Variants in FER1L5 observed in about 807,000 individuals in gnomAD.
The protein encoded by FER1L5 is fer-1 like family member 5.
Under a neutral mutation model 279.9 loss-of-function variants are expected in FER1L5, and 187 were observed. The ratio of observed to expected loss-of-function variants is 0.67; its 90% CI spans 0.59 to 0.75. The LOEUF is 0.75. Ranked by LOEUF, FER1L5 falls within the 30% of genes least tolerant of loss-of-function variation. The pLI is 0.00. For missense variants in FER1L5, 2,091 were observed against 2,594.4 expected, an observed-to-expected ratio of 0.81 and a Z score of 4.21; for synonymous variants, 921 against 989.7, an observed-to-expected ratio of 0.93 and a Z score of 1.30.
intron 19 of FER1L5, among the ~76,000 whole-genome samples, chr2:96,677,275 C>T (rs7572249): frequency 0.47 from 71,026 of 152,114 alleles, 19,439 homozygotes; most frequent in South Asian, 0.74. Flanking sequence ...AATTCTCTTG[C>T]TTTGTAGTGA....
intron 23 of FER1L5, 130 bp downstream of exon 23, chr2:96,686,480 A>G (rs1460344070): frequency 7.5e-6 from 8 of 1,073,242 alleles, no homozygotes; most frequent in Non-Finnish European, 1.0e-5. Context: ...TGGGGTTGAA[A>G]CAGTCCCCAG....
rs1222628664 is a variant in FER1L5, at chr2:96,686,012, C to A, written c.1968C>A (p.Ser656Arg). The change falls in exon 22 of 53, where the codon AGC (serine) becomes AGA (arginine). Residue 656 changes from serine to arginine, a missense_variant. Physicochemically the swap from Ser to Arg is moderately radical, Grantham distance 110. Transcript: ENST00000624922. ...ACAGGAAGAGGTGGCAGCTCCGCAGCCTCCTCCTGCAGGAACTGGCCCAAA... is the reference window on the plus strand; with the variant it reads ...ACAGGAAGAGGTGGCAGCTCCGCAGACTCCTCCTGCAGGAACTGGCCCAAA... ...SLDRKRWQLRSLLLQELAQKA... is the reference protein window; with the variant it reads ...SLDRKRWQLRRLLLQELAQKA... The A allele has an allele frequency of 1.3e-6, 2 of 1,551,528 alleles. No homozygotes were observed. The highest frequency in any genetic ancestry group is 3.9e-5 in the Admixed American group (2 of 51,002).
At chr2:96,699,819 G>T (rs2077525882) in intron 43 of FER1L5, 99 bp downstream of exon 43, 3 of 1,574,698 alleles carry the variant, frequency 1.9e-6, no homozygotes, top group South Asian at 1.2e-5. Context: ...GGGAACCAGG[G>T]CCCAGACCTG....
At chr2:96,659,123 C>T (rs970700769) in intron 9 of FER1L5, among the ~76,000 whole-genome samples, 16 of 151,576 alleles carry the variant, frequency 1.1e-4, no homozygotes, top group African/African-American at 3.2e-4. Flanking sequence ...TCAGTAGAGA[C>T]GGGATTTCAC....
At chr2:96,676,144 G>T (rs1305666815) in intron 19 of FER1L5, among the ~76,000 whole-genome samples, 1 of 152,166 alleles carries the variant, frequency 6.6e-6, no homozygotes, top group African/African-American at 2.4e-5. Flanking sequence ...AGCACCATTT[G>T]CCTGAAAGTA....
At chr2:96,690,229 TG>T (rs1275645924) in intron 26 of FER1L5, among the ~76,000 whole-genome samples, 5 of 152,132 alleles carry the variant, frequency 3.3e-5, no homozygotes, top group Non-Finnish European at 7.4e-5. Context: ...TATTGGGTAG[TG>T]TGGGTTTAAC....
At chr2:96,662,372 TCACCC>T in intron 13 of FER1L5, 105 bp downstream of exon 13, 4 of 1,049,242 alleles carry the variant, frequency 3.8e-6, no homozygotes, top group Non-Finnish European at 5.7e-6. Flanking sequence ...CATCTCCCAG[TCACCC>T]ACTGAGAGAA....
At chr2:96,667,347 C>CTTT (rs551114241) in intron 14 of FER1L5, among the ~76,000 whole-genome samples, 80 of 139,132 alleles carry the variant, frequency 5.7e-4, no homozygotes, top group Non-Finnish European at 4.6e-4. Flanking sequence ...ATTATTTATT[C>CTTT]TTTTTTTTTT....
In FER1L5 at chr2:96,697,843, A is replaced by G; in HGVS notation, c.4236+82A>G. ...AGAGCTAGCCTTGATTCCTCTGGGA[A>G]GCCTCAAGTGGGAAGGTTCCCGCAC... On this transcript the variant is annotated intron_variant, in intron 39 of 52. Coordinates refer to ENST00000624922, the MANE Select transcript of FER1L5 (RefSeq NM_001293083.2). 3.3e-6 allele frequency: 5 copies of G among 1,533,346 alleles called. No homozygotes were observed. In the African/African-American group the frequency reaches 5.5e-5, roughly 17 times the overall value. The allele number at this position is 1,533,346 out of a possible 1,614,324, so 95.0% of individuals were successfully genotyped here. A position where few individuals can be genotyped will look rare whatever the true frequency, so the allele number is the denominator to read the frequency against.
rs766720479 is a variant in FER1L5, at chr2:96,698,761, C to T, written c.4447C>T (p.Pro1483Ser). The T allele has an allele frequency of 1.9e-6, 3 of 1,570,276 alleles. No homozygotes were observed. Among genetic ancestry groups the T allele is most frequent in the South Asian group, 1.2e-5 (1 of 85,008 alleles). ...FLVWPEREDFPQPCLVRVYMV... is the reference protein window; with the variant it reads ...FLVWPEREDFSQPCLVRVYMV... ...GGTTTGGCCAGAGAGAGAGGACTTC[C>T]CCCAGCCGTGCTTGGTGCGGGTGTA... The change falls in exon 41 of 53, where the codon CCC becomes TCC. Residue 1483 changes from proline (P) to serine (S), a missense_variant. Pro to Ser is a moderately conservative substitution (Grantham distance 74). Coordinates refer to ENST00000624922, the MANE Select transcript of FER1L5 (RefSeq NM_001293083.2). This position sits in a 1 kb window ranked among gnomAD's most constrained non-coding sequence, Gnocchi z 5.5.
At chr2:96,680,319 G>C (rs902099992) in intron 19 of FER1L5, among the ~76,000 whole-genome samples, 6 of 151,884 alleles carry the variant, frequency 4.0e-5, no homozygotes, top group African/African-American at 9.7e-5. Context: ...TTCACTCAAA[G>C]GCCAGGGTCT....
intron 37 of FER1L5, 118 bp from the exon 38 acceptor site, chr2:96,697,408 T>C (rs2077420257): frequency 2.8e-6 from 3 of 1,077,684 alleles, no homozygotes; most frequent in South Asian, 1.4e-5. Flanking sequence ...AAAAGGTCTA[T>C]GTGAAAGGCA....
chr2:96,669,976 A>T, intron 17 of FER1L5, 143 bp from the exon 18 acceptor site: 1 of 1,155,420 alleles, frequency 8.7e-7, no homozygotes, highest in South Asian at 1.5e-5. Flanking sequence ...GGTTTCTGGA[A>T]TTCTTCTCCG....
chr2:96,658,076 G>C (rs189298325), intron 9 of FER1L5, among the ~76,000 whole-genome samples: 1 of 151,926 alleles, frequency 6.6e-6, no homozygotes, highest in East Asian at 1.9e-4. Context: ...GAGTGCAATG[G>C]CGTGATCTCG....
intron 19 of FER1L5, among the ~76,000 whole-genome samples, chr2:96,675,368 C>CTAT (rs1324355148): frequency 2.0e-5 from 3 of 152,134 alleles, no homozygotes; most frequent in Admixed American, 2.0e-4. Flanking sequence ...ATGAGAGTTC[C>CTAT]TATTACTCTA....
At chr2:96,687,996 G>C in intron 24 of FER1L5, 49 bp downstream of exon 24, 1 of 1,544,780 alleles carries the variant, frequency 6.5e-7, no homozygotes, top group Non-Finnish European at 8.8e-7. Context: ...GCGGGGGTGG[G>C]GGTAGGGTGG....
rs1458254497 is a variant in FER1L5 at position 96,695,552 on chromosome 2, C to T, written c.3785C>T (p.Pro1262Leu). The T allele has an allele frequency of 1.3e-6, 2 of 1,593,616 alleles. No individual in the cohort carries two copies. Among genetic ancestry groups the T allele is most frequent in the African/African-American group, 1.3e-5 (1 of 74,372 alleles). The change falls in exon 35 of 53, where the codon CCC becomes CTC. Residue 1262 changes from proline (P) to leucine (L), a missense_variant. Transcript: ENST00000624922. ...GLRNMKKASS[P>L]QLLVEFGEES... ...CGGAACATGAAGAAGGCGAGCTCCC[C>T]CCAGCTCCTGGTGGAATTCGGGGAA...
rs1273702177 is a variant in FER1L5 at position 96,699,141 on chromosome 2, G to A, written c.4610+5G>A. 3.1e-6 allele frequency: 5 copies of A among 1,603,562 alleles called. No individual in the cohort carries two copies. The highest frequency in any genetic ancestry group is 4.3e-6 in the Non-Finnish European group (5 of 1,175,102). ...TCTGGATCCCATCTTTGGCATGTGA[G>A]CTGCCCCAACCCCCAAGACCCCTTC... On this transcript the variant is annotated splice_donor_5th_base_variant and intron_variant, in intron 42 of 52. Transcript: ENST00000624922.
Position 96,695,622 on chromosome 2 carries a change from C to G in FER1L5, c.3855C>G (p.Pro1285=), listed in dbSNP as rs1194215433. The change falls in exon 35 of 53, where the codon CCC becomes CCG. Residue 1285 remains proline, a synonymous_variant. Transcript: ENST00000624922. The stretch of plus-strand genomic sequence containing the variant: ...CCATCAGGGACTTTCAGACCAACCC[C>G]AACTTCCCCGAGTCTGAGTCTGTCC... ...TEPIRDFQTN[P]NFPESESVLV... 1.9e-6 allele frequency: 3 copies of G among 1,604,944 alleles called. No individual in the cohort carries two copies. The highest frequency in any genetic ancestry group is 3.4e-5 in the Admixed American group (2 of 58,632).
Sources: allele counts gnomAD v4.1 joint callset (sites outside exome capture counted in the v4.1 genomes callset), GRCh38; gene constraint gnomAD v4.1.1; non-coding constraint Gnocchi (gnomAD v3.1); transcripts MANE v1.5; gene names NCBI Gene and HGNC (gene_info 2026-07-23, HGNC 2026-07-21).